Variants in RBFOX1 observed in about 807,000 individuals in gnomAD.
The protein encoded by RBFOX1 is RNA binding protein fox-1 homolog 1.
In RBFOX1, 8 loss-of-function variants were observed where a neutral mutation model predicts 57.7. The ratio of observed to expected loss-of-function variants is 0.14; its 90% CI spans 0.08 to 0.25. The LOEUF (loss-of-function observed/expected upper bound fraction) is 0.25, where lower values mean the gene tolerates loss of function less well. Among genes scored for constraint, RBFOX1 ranks in the 10% least tolerant of loss-of-function variants. RBFOX1 has a pLI of 1.00. For missense variants in RBFOX1, 611 were observed against 548.5 expected, an observed-to-expected ratio of 1.11 and a Z score of -1.14; for synonymous variants, 326 against 222.4, an observed-to-expected ratio of 1.47 and a Z score of -4.15.
rs546920948 is a variant in RBFOX1, at chr16:5,649,623, C to T, written c.318+50662C>T. 3.3e-5 allele frequency among the ~76,000 whole-genome samples: 5 copies of T among 152,338 alleles called. No homozygotes were observed. The South Asian group carries it at 8.3e-4, about 25-fold the overall frequency. On this transcript the variant is annotated intron_variant, in intron 3 of 19. Coordinates refer to the RBFOX1 transcript ENST00000641259. The stretch of plus-strand genomic sequence containing the variant: ...ATTTCCCTTTCTTCCCTGAGAGATG[C>T]AGCCTCTGTCATGAATTTATTTTTA...
intron 1 of RBFOX1, among the ~76,000 whole-genome samples, chr16:6,021,873 T>A (rs1436431023): frequency 6.6e-6 from 1 of 152,232 alleles, no homozygotes; most frequent in East Asian, 1.9e-4. Context: ...ACTAAACATT[T>A]AGAACAGTTT....
intron 2 of RBFOX1, among the ~76,000 whole-genome samples, chr16:6,536,011 C>T (rs988976250): frequency 6.6e-6 from 1 of 152,142 alleles, no homozygotes. Flanking sequence ...AGGCTATCCA[C>T]AAAATGGAGA....
intron 4 of RBFOX1, among the ~76,000 whole-genome samples, chr16:7,451,152 C>T (rs1269401922): frequency 2.0e-5 from 3 of 152,120 alleles, no homozygotes; most frequent in Non-Finnish European, 4.4e-5. Context: ...ATCCAGCTTT[C>T]TGGGGGATGA....
chr16:5,545,089 G>A (rs148934961), intron 2 of RBFOX1, among the ~76,000 whole-genome samples: 2 of 150,592 alleles, frequency 1.3e-5, no homozygotes, highest in African/African-American at 4.9e-5. Flanking sequence ...TGATTCTTCT[G>A]CCTCAGCCTT....
rs567242384 is a variant in RBFOX1 at position 6,129,938 on chromosome 16, C to G, written c.-127+109946C>G. 2.0e-5 allele frequency among the ~76,000 whole-genome samples: 3 copies of G among 151,908 alleles called. No homozygotes were observed. The East Asian group carries it at 5.8e-4, about 29-fold the overall frequency. ...TGTCAACACAGAATTGTATGACTGG[C>G]AAAAATATTCTTAAAAATTAGGTGA... On this transcript the variant is annotated intron_variant, in intron 1 of 15. Coordinates refer to ENST00000550418, the MANE Select transcript of RBFOX1 (RefSeq NM_018723.4).
intron 1 of RBFOX1, among the ~76,000 whole-genome samples, chr16:6,138,330 G>T (rs910174281): frequency 6.6e-6 from 1 of 152,284 alleles, no homozygotes; most frequent in South Asian, 2.1e-4. Context: ...AACATAGGTA[G>T]CCAGTTCCAA....
intron 2 of RBFOX1, among the ~76,000 whole-genome samples, chr16:6,584,511 C>A (rs1018235115): frequency 3.3e-5 from 5 of 151,740 alleles, no homozygotes; most frequent in Middle Eastern, 3.2e-3. Flanking sequence ...GGGATTACTG[C>A]CCTTCCCCAC....
At position 5,660,893 on chromosome 16, in the gene RBFOX1, G is replaced by T. The variant is rs567079604; in HGVS notation, c.318+61932G>T. Among the ~76,000 whole-genome samples, 8 of 152,278 alleles carry T rather than the reference G, an allele frequency of 5.3e-5. No homozygotes were observed. The South Asian group carries it at 1.7e-3, about 32-fold the overall frequency. On this transcript the variant is annotated intron_variant, in intron 3 of 19. Transcript: ENST00000641259. ...TCCTATGGCCGTAGCTGCTGCGTGT[G>T]CAAATTGAGGATGAATTGCCTCCAA...
chr16:5,374,758 C>T (rs1203170398), intron 1 of RBFOX1, among the ~76,000 whole-genome samples: 5 of 149,236 alleles, frequency 3.4e-5, no homozygotes, highest in Non-Finnish European at 7.4e-5. Context: ...CAAAAGAAGA[C>T]GACTATTTCA....
intron 4 of RBFOX1, among the ~76,000 whole-genome samples, chr16:7,404,027 C>CATTTTATTTT (rs1278332849): frequency 6.1e-5 from 3 of 49,036 alleles, no homozygotes; most frequent in East Asian, 1.0e-3. Flanking sequence ...GATTTCATTT[C>CATTTTATTTT]CTTTTATTTT....
chr16:6,518,806 T>TCTATC (rs2096440963), intron 2 of RBFOX1, among the ~76,000 whole-genome samples: 1 of 91,210 alleles, frequency 1.1e-5, no homozygotes, highest in African/African-American at 4.0e-5. Context: ...TGTCTATCTA[T>TCTATC]CTATCTATCT....
chr16:7,358,639 C>T (rs967562980), intron 4 of RBFOX1, among the ~76,000 whole-genome samples: 4 of 152,138 alleles, frequency 2.6e-5, no homozygotes, highest in Non-Finnish European at 4.4e-5. Flanking sequence ...AAGCTGGTCT[C>T]AAACTCCTGG....
rs145395341 is a variant in RBFOX1 at position 7,637,505 on chromosome 16, ATTTTAC to A, written c.757+6828_757+6833del. Among the ~76,000 whole-genome samples, 680 of 152,302 alleles carry A rather than the reference ATTTTAC, an allele frequency of 4.5e-3. 6 individuals are homozygous for A. Among genetic ancestry groups the A allele is most frequent in the African/African-American group, 0.016 (653 of 41,560 alleles). On this transcript the variant is annotated intron_variant, in intron 11 of 15. Coordinates refer to ENST00000550418, the MANE Select transcript of RBFOX1 (RefSeq NM_018723.4). The stretch of plus-strand genomic sequence containing the variant: ...AACATACATAAATCAGGCCTGTACT[ATTTTAC>A]TTTTAGGTAATTGATAGAACTTCCA...
intron 4 of RBFOX1, among the ~76,000 whole-genome samples, chr16:7,094,628 GTT>G (rs5815365): frequency 0.26 from 36,120 of 141,022 alleles, 4,655 homozygotes; most frequent in East Asian, 0.37. Flanking sequence ...TTCTTTTGAA[GTT>G]TTTTTTTTTT....
chr16:5,323,562 C>T (rs886405197), intron 1 of RBFOX1, among the ~76,000 whole-genome samples: 1 of 152,260 alleles, frequency 6.6e-6, no homozygotes, highest in Non-Finnish European at 1.5e-5. Context: ...TGCACCTTTG[C>T]TAGCGTCAGA....
chr16:5,584,094 C>G (rs2046757645), intron 2 of RBFOX1, among the ~76,000 whole-genome samples: 1 of 152,186 alleles, frequency 6.6e-6, no homozygotes, highest in African/African-American at 2.4e-5. Flanking sequence ...GGGTTACTGA[C>G]AACTCCTCTC....
chr16:5,908,821 G>T (rs1337323854), intron 4 of RBFOX1, among the ~76,000 whole-genome samples: 3 of 151,966 alleles, frequency 2.0e-5, no homozygotes, highest in Non-Finnish European at 4.4e-5. Context: ...GGGCCTTTGG[G>T]AGTGGAGGAA....
intron 2 of RBFOX1, among the ~76,000 whole-genome samples, chr16:6,558,967 C>A (rs901351649): frequency 6.6e-6 from 1 of 152,116 alleles, no homozygotes; most frequent in East Asian, 1.9e-4. Context: ...CTTTCACTCT[C>A]TACTCAAAAA....
intron 2 of RBFOX1, among the ~76,000 whole-genome samples, chr16:5,505,326 T>C (rs1243338376): frequency 1.3e-5 from 2 of 152,218 alleles, no homozygotes; most frequent in African/African-American, 4.8e-5. Context: ...GCATTTTCCC[T>C]GCTTGGTGCC....
Sources: gnomAD v4.1 joint callset for allele counts (sites outside exome capture counted in the v4.1 genomes callset) on GRCh38, gnomAD v4.1.1 for gene constraint, MANE v1.5 for transcripts, NCBI Gene and HGNC (gene_info 2026-07-23, HGNC 2026-07-21) for gene names.